DHX30: variants seen among roughly 807,000 people sequenced by gnomAD.
DHX30 encodes DExH-box helicase 30, also known as ATP-dependent RNA helicase DHX30.
A neutral mutation model predicts 116.9 loss-of-function variants in DHX30; 4 were observed. The ratio of observed to expected loss-of-function variants is 0.03; its 90% CI spans 0.02 to 0.08. The LOEUF (loss-of-function observed/expected upper bound fraction) is 0.08, where lower values mean the gene tolerates loss of function less well. Ranked by LOEUF, DHX30 falls within the 10% of genes least tolerant of loss-of-function variation. The pLI is 1.00. For missense variants in DHX30, 871 were observed against 1,595.1 expected (o/e 0.55, Z 7.73); for synonymous variants, 697 against 651.7 (o/e 1.07, Z -1.06).
At position 47,844,479 on chromosome 3, in the gene DHX30, A is replaced by G. The variant is rs552758389; in HGVS notation, c.940-1221A>G. ...CATTTGTCAGTGAGGCTGGTGGGTA[A>G]AACCCATGAAGTCTGGGGAGAGGGC... On this transcript the variant is annotated intron_variant, in intron 9 of 21. Transcript: ENST00000445061. 1.6e-4 allele frequency among the ~76,000 whole-genome samples: 25 copies of G among 152,320 alleles called. 1 individual carries two copies. The South Asian group carries it at 5.0e-3, about 30-fold the overall frequency.
intron 4 of DHX30, among the ~76,000 whole-genome samples, chr3:47,820,109 T>G (rs1476499331): frequency 6.6e-6 from 1 of 152,176 alleles, no homozygotes; most frequent in African/African-American, 2.4e-5. Context: ...GGCCAGGAGT[T>G]TGAGACCAGC....
At chr3:47,818,925 T>G (rs2036173011) in intron 4 of DHX30, among the ~76,000 whole-genome samples, 1 of 152,182 alleles carries the variant, frequency 6.6e-6, no homozygotes, top group Non-Finnish European at 1.5e-5. Flanking sequence ...AGGGTCATTG[T>G]CTCATCTAGA....
intron 9 of DHX30, among the ~76,000 whole-genome samples, chr3:47,843,674 T>C (rs1370785331): frequency 1.3e-5 from 2 of 152,140 alleles, no homozygotes; most frequent in African/African-American, 4.8e-5. Flanking sequence ...GCAGTCAGGA[T>C]CAAGGTAGAG....
chr3:47,848,219 G>C lies in DHX30; in HGVS notation c.2326G>C (p.Val776Leu). The C allele has an allele frequency of 6.2e-7, 1 of 1,613,698 alleles. No individual in the cohort carries two copies. The highest frequency in any genetic ancestry group is 8.5e-7 in the Non-Finnish European group (1 of 1,180,036). ...GACAGTGTGGGTATCAAGAGCCAAT[G>C]TGATCCAGCGCCGGGGCCGGGCGGG... ...LETVWVSRAN[V>L]IQRRGRAGRC... The change falls in exon 15 of 22, where the codon GTG (valine) becomes CTG (leucine). Residue 776 changes from valine to leucine, a missense_variant. Transcript: ENST00000445061. The surrounding 1 kb of genome is among the most constrained non-coding windows in gnomAD (Gnocchi z 9.4).
intron 6 of DHX30, among the ~76,000 whole-genome samples, chr3:47,832,098 A>G (rs947429686): frequency 6.1e-5 from 9 of 148,580 alleles, no homozygotes; most frequent in Non-Finnish European, 1.2e-4. Flanking sequence ...TTTAATAGAG[A>G]CAGGGTCTTA....
At position 47,845,787 on chromosome 3, in the gene DHX30, C is replaced by T. The variant is rs771274801; in HGVS notation, c.1027C>T (p.Arg343Cys). The T allele has an allele frequency of 1.2e-6, 2 of 1,612,628 alleles. No individual in the cohort carries two copies. The highest frequency in any genetic ancestry group is 1.1e-5 in the South Asian group (1 of 91,030). The part of the protein sequence containing the change: ...ASLRELGETQ[R>C]RPCTIQVPEP... ...TTTGCGTGAGCTGGGTGAGACCCAG[C>T]GCCGACCATGCACCATCCAGGTGCC... The change falls in exon 10 of 22, where the codon CGC becomes TGC. Residue 343 changes from arginine (R) to cysteine (C), a missense_variant. Coordinates refer to ENST00000445061, the MANE Select transcript of DHX30 (RefSeq NM_138615.3).
intron 4 of DHX30, among the ~76,000 whole-genome samples, chr3:47,818,914 T>C (rs552605473): frequency 6.6e-6 from 1 of 152,290 alleles, no homozygotes; most frequent in Non-Finnish European, 1.5e-5. Flanking sequence ...TTTTAGGTCA[T>C]AGGGTCATTG....
intron 6 of DHX30, among the ~76,000 whole-genome samples, 174 bp downstream of exon 6, chr3:47,829,308 A>ATT (rs1411543006): frequency 3.5e-5 from 1 of 28,712 alleles, no homozygotes; most frequent in Non-Finnish European, 8.8e-5. Context: ...ATATATATAT[A>ATT]TATATATTTT....
chr3:47,846,552 A>C lies in DHX30; in HGVS notation c.1480A>C (p.Ile494Leu), dbSNP rs756133392. 33 of 1,613,962 alleles carry C rather than the reference A, an allele frequency of 2.0e-5. No homozygotes were observed. The highest frequency in any genetic ancestry group is 2.6e-5 in the Non-Finnish European group (31 of 1,180,030). ...CNVIITQPRR[I>L]SAVSVAQRVS... ...TGTTATCATCACCCAACCTCGCCGCATCTCTGCTGTGTCTGTGGCACAGCG... is the reference window on the plus strand; with the variant it reads ...TGTTATCATCACCCAACCTCGCCGCCTCTCTGCTGTGTCTGTGGCACAGCG... The change falls in exon 11 of 22, where the codon ATC (isoleucine) becomes CTC (leucine). Residue 494 changes from isoleucine (I) to leucine (L), a missense_variant. Ile to Leu is a conservative substitution (Grantham distance 5). Around this residue, in one of 13 missense-constraint regions of DHX30, gnomAD observed 63 missense variants for 180.6 expected, o/e 0.35. Coordinates refer to ENST00000445061, the MANE Select transcript of DHX30 (RefSeq NM_138615.3).
intron 9 of DHX30, among the ~76,000 whole-genome samples, chr3:47,844,360 G>A (rs2037506312): frequency 6.6e-6 from 1 of 152,260 alleles, no homozygotes; most frequent in African/African-American, 2.4e-5. Flanking sequence ...AGGCATCTGA[G>A]CTTTGGCCTG....
At chr3:47,817,786 A>C (rs531243746) in intron 3 of DHX30, among the ~76,000 whole-genome samples, 36 of 152,328 alleles carry the variant, frequency 2.4e-4, no homozygotes, top group African/African-American at 8.7e-4. Flanking sequence ...CTAAGGGAAC[A>C]GGAAGAGTTT....
intron 8 of DHX30, chr3:47,842,364 TAAC>T (rs1313971233): frequency 6.5e-6 from 1 of 152,802 alleles, no homozygotes; most frequent in African/African-American, 2.4e-5. Context: ...CTCCAAGAGA[TAAC>T]AACATAAAAC....
rs767503728 is a variant in DHX30, at chr3:47,846,275, C to G, written c.1203C>G (p.Pro401=). ...TGAGTGACCCTATCACAGGCAAGCC[C>G]TATGTGCCCCTGTTGGAAGCAGAGG... ...GPLSDPITGK[P]YVPLLEAEEV... The change falls in exon 11 of 22, where the codon CCC becomes CCG. Residue 401 remains proline, a synonymous_variant. Transcript: ENST00000445061. The G allele has an allele frequency of 6.2e-7, 1 of 1,614,116 alleles. No homozygotes were observed. Among genetic ancestry groups the G allele is most frequent in the African/African-American group, 1.3e-5 (1 of 74,952 alleles).
At position 47,849,073 on chromosome 3, in the gene DHX30, A is replaced by G. The variant is rs2037809922; in HGVS notation, c.2923A>G (p.Ile975Val). The G allele has an allele frequency of 6.2e-7, 1 of 1,609,574 alleles. No individual in the cohort carries two copies. The highest frequency in any genetic ancestry group is 1.3e-5 in the African/African-American group (1 of 74,820). Residue 975 changes from isoleucine (I) to valine (V), a missense_variant, in exon 18 of 22, where the codon ATC becomes GTC. This residue lies in a region of DHX30 where 238 missense variants were observed against 481.0 expected (regional missense o/e 0.49). Coordinates refer to ENST00000445061, the MANE Select transcript of DHX30 (RefSeq NM_138615.3). Reference sequence around the variant, plus strand: ...GCTGTACGCACCCAGCCTGCGCTTCATCCACGGTCAGTCGGGCCCACACCT... The same window carrying G: ...GCTGTACGCACCCAGCCTGCGCTTCGTCCACGGTCAGTCGGGCCCACACCT... ...NLLYAPSLRF[I>V]HGLIKQFSEN...
At chr3:47,842,993 C>T (rs1363335011) in intron 8 of DHX30, 113 bp from the exon 9 acceptor site, 11 of 1,351,718 alleles carry the variant, frequency 8.1e-6, no homozygotes, top group East Asian at 2.3e-5. Flanking sequence ...ACGCCTGGCA[C>T]CTGCTGAGAT....
chr3:47,833,388 A>G (rs2036948781), intron 6 of DHX30, among the ~76,000 whole-genome samples: 2 of 151,592 alleles, frequency 1.3e-5, no homozygotes, highest in South Asian at 4.2e-4. Flanking sequence ...AAAAATTAGC[A>G]GGGCATGGTG....
At chr3:47,845,963 C>CT (rs1230799063) in intron 10 of DHX30, 111 bp downstream of exon 10, 50 of 1,489,000 alleles carry the variant, frequency 3.4e-5, no homozygotes, top group Non-Finnish European at 4.3e-5. Context: ...ATTCTCTTCA[C>CT]TGAGTTTGGG....
chr3:47,843,081 A>G (rs774302335), intron 8 of DHX30, 25 bp from the exon 9 acceptor site: 1 of 1,612,262 alleles, frequency 6.2e-7, no homozygotes, highest in Non-Finnish European at 8.5e-7. Flanking sequence ...CATTTCTGTA[A>G]CCATCTCTCT....
chr3:47,841,593 C>T (rs758797357), intron 7 of DHX30, 24 bp from the exon 8 acceptor site: 1 of 1,614,030 alleles, frequency 6.2e-7, no homozygotes, highest in South Asian at 1.1e-5. Context: ...AGAATTCTTT[C>T]AGTTAAACTT....
Sources: allele counts gnomAD v4.1 joint callset (sites outside exome capture counted in the v4.1 genomes callset), GRCh38; gene constraint gnomAD v4.1.1; regional missense constraint gnomAD v4.1.1; non-coding constraint Gnocchi (gnomAD v3.1); transcripts MANE v1.5; gene names NCBI Gene and HGNC (gene_info 2026-07-23, HGNC 2026-07-21).